SPANXN1: variants seen among roughly 807,000 people sequenced by gnomAD.
SPANXN1 encodes sperm protein associated with the nucleus on the X chromosome N1.
In SPANXN1, 1 loss-of-function variant was observed where a neutral mutation model predicts 2.0. That is an observed-to-expected ratio of 0.50 (90% CI 0.18 to 2.36). The LOEUF (loss-of-function observed/expected upper bound fraction) is 2.36. SPANXN1 is among the 30% of genes most tolerant of loss of function. The pLI, the probability that SPANXN1 is intolerant of heterozygous loss-of-function variation, is 0.26. For missense variants in SPANXN1, 55 were observed against 51.8 expected (o/e 1.06, Z -0.19); for synonymous variants, 27 against 21.3 (o/e 1.27, Z -0.74).
At chrX:145,247,812 G>A in intron 1 of SPANXN1, 151 bp downstream of exon 1, 1 of 683,007 alleles carries the variant, frequency 1.5e-6, no homozygotes, top group Non-Finnish European at 2.2e-6. Context: ...TACAGCCTGG[G>A]GTGCTTGTAG....
intron 1 of SPANXN1, among the ~76,000 whole-genome samples, chrX:145,254,433 G>T (rs1309137668): frequency 1.8e-5 from 2 of 112,265 alleles, no homozygotes; most frequent in African/African-American, 6.5e-5. Context: ...GAGTACCCTG[G>T]AAGAGAGTGA....
intron 1 of SPANXN1, among the ~76,000 whole-genome samples, chrX:145,254,797 C>T (rs782816279): frequency 5.4e-5 from 6 of 111,038 alleles, no homozygotes; most frequent in South Asian, 3.8e-4. Flanking sequence ...GTTGCAGCAG[C>T]GCAGAAAGGG....
At chrX:145,255,008 A>G (rs1307114429) in intron 1 of SPANXN1, among the ~76,000 whole-genome samples, 8 of 96,961 alleles carry the variant, frequency 8.3e-5, no homozygotes, top group Admixed American at 4.0e-4. Flanking sequence ...CCAATCACCA[A>G]CCACTCCAGG....
At chrX:145,255,311 T>C (rs781857007) in intron 1 of SPANXN1, among the ~76,000 whole-genome samples, 82 of 111,629 alleles carry the variant, frequency 7.3e-4, no homozygotes, top group African/African-American at 2.4e-3. Context: ...CCTTAGAACT[T>C]TGCCAAGCAA....
At chrX:145,254,411 C>A (rs1344581489) in intron 1 of SPANXN1, among the ~76,000 whole-genome samples, 1 of 111,601 alleles carries the variant, frequency 9.0e-6, no homozygotes, top group Non-Finnish European at 1.9e-5. Context: ...AGTGACTACC[C>A]CTAAGGAAAG....
chrX:145,252,803 G>A (rs1248845113), intron 1 of SPANXN1, among the ~76,000 whole-genome samples: 4 of 110,533 alleles, frequency 3.6e-5, no homozygotes, highest in Non-Finnish European at 7.6e-5. Context: ...AGGGGTAGGG[G>A]ACTGAGGGAT....
At chrX:145,250,836 TTATC>T (rs1276574834) in intron 1 of SPANXN1, among the ~76,000 whole-genome samples, 2 of 112,052 alleles carry the variant, frequency 1.8e-5, no homozygotes, top group Non-Finnish European at 3.8e-5. Context: ...TAGTGGTAGT[TTATC>T]TACCCCCAGC....
chrX:145,250,638 T>G (rs1448074862), intron 1 of SPANXN1, among the ~76,000 whole-genome samples: 2 of 112,027 alleles, frequency 1.8e-5, no homozygotes, highest in South Asian at 3.8e-4. Flanking sequence ...TTTTCCTGAA[T>G]GGCGCCAGTC....
intron 1 of SPANXN1, among the ~76,000 whole-genome samples, chrX:145,248,506 G>A (rs1343008619): frequency 8.9e-6 from 1 of 111,955 alleles, no homozygotes; most frequent in African/African-American, 3.3e-5. Flanking sequence ...CTTAGTGTGT[G>A]TGGAGGAAGA....
At position 145,253,936 on chromosome X, in the gene SPANXN1, G is replaced by A. The variant is rs148953932; in HGVS notation, c.76-1735G>A. On this transcript the variant is annotated intron_variant, in intron 1 of 1. Transcript: ENST00000370493. Reference sequence around the variant, plus strand: ...CAGCTAGGGAACTTGAATTCAGATTGTGTCTTCAGGCCTCGCAACCTCCTG... The same window carrying A: ...CAGCTAGGGAACTTGAATTCAGATTATGTCTTCAGGCCTCGCAACCTCCTG... 8.5e-3 allele frequency among the ~76,000 whole-genome samples: 948 copies of A among 111,266 alleles called. 15 individuals carry two copies. The highest frequency in any genetic ancestry group is 0.03 in the African/African-American group (914 of 30,599).
chrX:145,249,847 T>G (rs5965839), intron 1 of SPANXN1, among the ~76,000 whole-genome samples: 9,690 of 110,608 alleles, frequency 0.088, 958 homozygotes, highest in African/African-American at 0.28. Flanking sequence ...AGCATTTGTG[T>G]ACTGTCTTAT....
At chrX:145,249,923 T>G (rs1473884901) in intron 1 of SPANXN1, among the ~76,000 whole-genome samples, 1 of 111,356 alleles carries the variant, frequency 9.0e-6, no homozygotes, top group Non-Finnish European at 1.9e-5. Context: ...AATACGGGGA[T>G]ATTTTGGAGG....
intron 1 of SPANXN1, among the ~76,000 whole-genome samples, chrX:145,248,924 T>C (rs782288139): frequency 3.6e-5 from 4 of 111,500 alleles, no homozygotes; most frequent in South Asian, 3.8e-4. Flanking sequence ...ACATGAAGAG[T>C]GGCTCTAGCC....
chrX:145,252,584 G>T (rs2070790616), intron 1 of SPANXN1, among the ~76,000 whole-genome samples: 1 of 111,130 alleles, frequency 9.0e-6, no homozygotes, highest in Non-Finnish European at 1.9e-5. Flanking sequence ...GTTCTGGAGG[G>T]TTATTTTAAC....
At chrX:145,249,197 G>A (rs1252115856) in intron 1 of SPANXN1, among the ~76,000 whole-genome samples, 1 of 110,255 alleles carries the variant, frequency 9.1e-6, no homozygotes, top group Non-Finnish European at 1.9e-5. Context: ...TGCTGGATTT[G>A]TGTGGACAAA....
At position 145,248,907 on chromosome X, in the gene SPANXN1, G is replaced by C. The variant is rs782129730; in HGVS notation, c.75+1246G>C. 8.0e-4 allele frequency among the ~76,000 whole-genome samples: 90 copies of C among 111,822 alleles called. 1 individual carries two copies. The highest frequency in any genetic ancestry group is 1.2e-3 in the Admixed American group (13 of 10,577). On this transcript the variant is annotated intron_variant, in intron 1 of 1. Coordinates refer to ENST00000370493, the MANE Select transcript of SPANXN1 (RefSeq NM_001009614.3). ...CATGTTTTCCAGGGAGCGCCCTTGAGTTGGATACATGAAGAGTGGCTCTAG... is the reference window on the plus strand; with the variant it reads ...CATGTTTTCCAGGGAGCGCCCTTGACTTGGATACATGAAGAGTGGCTCTAG...
At chrX:145,250,805 G>T (rs2070782747) in intron 1 of SPANXN1, among the ~76,000 whole-genome samples, 1 of 111,884 alleles carries the variant, frequency 8.9e-6, no homozygotes. Context: ...GGTGTCCCTT[G>T]CAATGGATAA....
intron 1 of SPANXN1, among the ~76,000 whole-genome samples, chrX:145,255,193 G>A (rs1394665870): frequency 8.9e-6 from 1 of 111,956 alleles, no homozygotes; most frequent in Non-Finnish European, 1.9e-5. Context: ...ACAGGTATGG[G>A]TGGGAGGGAT....
rs369133960 is a variant in SPANXN1 at position 145,247,616 on chromosome X, G to A, written c.30G>A (p.Gly10=). The change falls in exon 1 of 2, where the codon GGG becomes GGA. Residue 10 remains glycine, a synonymous_variant. Transcript: ENST00000370493. MEQPTSSIN[G]EKRKSPCESN... ...AACAGCCCACTTCAAGCATCAATGG[G>A]GAGAAGAGGAAGAGCCCCTGTGAAT... is the stretch of plus-strand genomic sequence containing the variant. The A allele has an allele frequency of 6.8e-5, 82 of 1,208,883 alleles. No homozygotes were observed. Among genetic ancestry groups the A allele is most frequent in the Non-Finnish European group, 8.6e-5 (77 of 894,577 alleles).
Sources: gnomAD v4.1 joint callset for allele counts (sites outside exome capture counted in the v4.1 genomes callset) on GRCh38, gnomAD v4.1.1 for gene constraint, MANE v1.5 for transcripts, NCBI Gene and HGNC (gene_info 2026-07-23, HGNC 2026-07-21) for gene names.